Variants in FIGLA observed in about 807,000 individuals in gnomAD.
The protein encoded by FIGLA is factor in the germline alpha.
A neutral mutation model predicts 21.5 loss-of-function variants in FIGLA; 17 were observed. The ratio of observed to expected loss-of-function variants is 0.79; its 90% CI spans 0.54 to 1.19. The LOEUF (loss-of-function observed/expected upper bound fraction) is 1.19. Ranked by LOEUF, FIGLA falls within the 50% of genes most tolerant of loss-of-function variation. The pLI is 0.00. For missense variants in FIGLA, 282 were observed against 285.0 expected (o/e 0.99, Z 0.08); for synonymous variants, 129 against 117.6 (o/e 1.10, Z -0.63).
At chr2:70,781,992 C>G (rs6546628) in intron 3 of FIGLA, among the ~76,000 whole-genome samples, 105,691 of 152,116 alleles carry the variant, frequency 0.69, 38,273 homozygotes, top group East Asian at 0.91. Context: ...GCAACCATTG[C>G]GGAAAACTGG....
chr2:70,789,897 C>G (rs1553390580), intron 1 of FIGLA, among the ~76,000 whole-genome samples: 1 of 152,118 alleles, frequency 6.6e-6, no homozygotes, highest in African/African-American at 2.4e-5. Flanking sequence ...CACACTGGGA[C>G]GTCGTGTTTC....
chr2:70,784,430 A>G (rs1031560462), intron 3 of FIGLA, among the ~76,000 whole-genome samples: 7 of 152,200 alleles, frequency 4.6e-5, no homozygotes, highest in Non-Finnish European at 8.8e-5. Context: ...TGCTGACATG[A>G]TATCATTTGG....
intron 4 of FIGLA, 113 bp downstream of exon 4, chr2:70,777,524 A>T (rs1331595205): frequency 4.8e-6 from 7 of 1,471,462 alleles, no homozygotes; most frequent in East Asian, 2.5e-5. Context: ...ACCCATTAAG[A>T]TTCCTTCTTT....
intron 1 of FIGLA, among the ~76,000 whole-genome samples, chr2:70,788,210 G>A (rs782768533): frequency 9.9e-5 from 15 of 152,154 alleles, no homozygotes; most frequent in Non-Finnish European, 1.3e-4. Flanking sequence ...CTGCAAAATG[G>A]AAAATATCTT....
chr2:70,781,692 G>A (rs1421869114), intron 3 of FIGLA, among the ~76,000 whole-genome samples: 5 of 152,162 alleles, frequency 3.3e-5, no homozygotes, highest in African/African-American at 9.7e-5. Context: ...ATCTGTAAAA[G>A]TCACATAATG....
chr2:70,787,901 A>G, intron 1 of FIGLA, 100 bp from the exon 2 acceptor site: 1 of 1,257,344 alleles, frequency 8.0e-7, no homozygotes, highest in African/African-American at 1.5e-5. Context: ...TCCTTGTCTG[A>G]GTGGCAAATC....
At chr2:70,779,627 T>G (rs1553388848) in intron 3 of FIGLA, among the ~76,000 whole-genome samples, 1 of 152,156 alleles carries the variant, frequency 6.6e-6, no homozygotes. Context: ...TCTCAGAAAC[T>G]CTTTCAAGGA....
Position 70,790,566 on chromosome 2 carries a change from C to A in FIGLA, c.73G>T (p.Val25Leu), listed in dbSNP as rs891605060. 1.3e-6 allele frequency: 2 copies of A among 1,521,748 alleles called. No individual in the cohort carries two copies. The highest frequency in any genetic ancestry group is 1.4e-5 in the African/African-American group (1 of 70,912). The allele number at this position is 1,521,748 out of a possible 1,614,324, so 94.3% of individuals were successfully genotyped here. ...PALLGTPQAEVLEDVLREQFG... is the reference protein window; with the variant it reads ...PALLGTPQAELLEDVLREQFG... ...TGCTCCCGCAACACGTCCTCCAGCA[C>A]CTCGGCTTGCGGGGTGCCCAGGAGC... The change falls in exon 1 of 5, where the codon GTG (valine) becomes TTG (leucine). Residue 25 changes from valine (V) to leucine (L), a missense_variant. Physicochemically the swap from Val to Leu is conservative, Grantham distance 32. Transcript: ENST00000332372.
intron 3 of FIGLA, among the ~76,000 whole-genome samples, chr2:70,778,816 T>C (rs1258315602): frequency 6.6e-6 from 1 of 152,148 alleles, no homozygotes; most frequent in Non-Finnish European, 1.5e-5. Flanking sequence ...GTTTGCTGCT[T>C]AATATCTTTA....
chr2:70,782,550 G>A (rs1444411813), intron 3 of FIGLA, among the ~76,000 whole-genome samples: 5 of 152,324 alleles, frequency 3.3e-5, no homozygotes, highest in African/African-American at 1.2e-4. Flanking sequence ...ACTTGAATGG[G>A]ACCTGAGGAT....
rs74771757 is a variant in FIGLA, at chr2:70,789,702, A to C, written c.231+706T>G. 7.3e-3 allele frequency among the ~76,000 whole-genome samples: 1,110 copies of C among 152,234 alleles called. 12 individuals are homozygous for C. Among genetic ancestry groups the C allele is most frequent in the African/African-American group, 0.026 (1,068 of 41,524 alleles). ...GCCTCTGCTGCAACCAAACCCGTAG[A>C]CTGCAAACGCTAGGAAGGAGACCAT... On this transcript the variant is annotated intron_variant, in intron 1 of 4. Transcript: ENST00000332372.
chr2:70,778,212 C>T (rs1376430784), intron 3 of FIGLA, among the ~76,000 whole-genome samples: 2 of 152,178 alleles, frequency 1.3e-5, no homozygotes, highest in Non-Finnish European at 2.9e-5. Flanking sequence ...CCCACATCCC[C>T]CCCAACCCCA....
chr2:70,778,657 G>A (rs973112502), intron 3 of FIGLA, among the ~76,000 whole-genome samples: 3 of 152,056 alleles, frequency 2.0e-5, no homozygotes, highest in Non-Finnish European at 4.4e-5. Context: ...TTTCAGAAAC[G>A]TAATATTTAA....
intron 3 of FIGLA, 101 bp downstream of exon 3, chr2:70,785,314 T>C (rs1184133537): frequency 9.8e-7 from 1 of 1,017,204 alleles, no homozygotes; most frequent in East Asian, 2.4e-5. Context: ...TTAAATTATC[T>C]TGTTTTAATC....
intron 1 of FIGLA, among the ~76,000 whole-genome samples, chr2:70,789,156 TTATA>T (rs10540498): frequency 2.0e-4 from 30 of 150,174 alleles, no homozygotes; most frequent in Non-Finnish European, 2.7e-4. Context: ...TTTGTAAAAA[TTATA>T]TATATATATA....
At chr2:70,787,575 TGGCACA>T in intron 2 of FIGLA, 68 bp downstream of exon 2, 1 of 1,381,194 alleles carries the variant, frequency 7.2e-7, no homozygotes, top group South Asian at 1.3e-5. Context: ...ATATATCACT[TGGCACA>T]GTGTCTCGTA....
intron 3 of FIGLA, among the ~76,000 whole-genome samples, chr2:70,780,585 T>C (rs1293846179): frequency 1.3e-5 from 2 of 152,172 alleles, no homozygotes; most frequent in Admixed American, 6.5e-5. Context: ...AATGCAAGCT[T>C]TTTATACAGT....
chr2:70,778,535 GAC>G (rs1339757634), intron 3 of FIGLA, among the ~76,000 whole-genome samples: 1 of 151,652 alleles, frequency 6.6e-6, no homozygotes, highest in Admixed American at 6.6e-5. Context: ...TTATACTTGA[GAC>G]AAATTCATAT....
At chr2:70,780,458 G>A (rs1372741936) in intron 3 of FIGLA, among the ~76,000 whole-genome samples, 3 of 152,138 alleles carry the variant, frequency 2.0e-5, no homozygotes, top group East Asian at 3.9e-4. Flanking sequence ...TGGAGTCACC[G>A]CTTCAGGAAA....
Sources: gnomAD v4.1 joint callset for allele counts (sites outside exome capture counted in the v4.1 genomes callset) on GRCh38, gnomAD v4.1.1 for gene constraint, MANE v1.5 for transcripts, NCBI Gene and HGNC (gene_info 2026-07-23, HGNC 2026-07-21) for gene names.